C10orf67: variants seen among roughly 807,000 people sequenced by gnomAD.
C10orf67 encodes chromosome 10 open reading frame 67, also known as uncharacterized protein C10orf67, mitochondrial.
In C10orf67, 60 loss-of-function variants were observed where a neutral mutation model predicts 35.6. The ratio of observed to expected loss-of-function variants is 1.68; its 90% CI spans 1.37 to 2.09. The LOEUF is 2.09. Ranked by LOEUF, C10orf67 falls within the 30% of genes most tolerant of loss-of-function variation. The probability of loss-of-function intolerance (pLI) is 0.00; values close to 1 mark genes in which losing one functional copy is unlikely to be tolerated. For synonymous variants in C10orf67, 167 were observed against 115.8 expected (o/e 1.44, Z -2.84); for missense variants, 474 against 330.2 (o/e 1.44, Z -3.38).
rs1375340398 is a variant in C10orf67, at chr10:23,321,228, C to T, written c.472-413G>A. On this transcript the variant is annotated intron_variant, in intron 3 of 15. Coordinates refer to ENST00000636213, the MANE Select transcript of C10orf67 (RefSeq NM_001371909.1). The stretch of plus-strand genomic sequence containing the variant: ...TAGTCTGCAAACTAGAGTTATTTTC[C>T]GATTAATCAAATGATTTGATTAGAT... Among the ~76,000 whole-genome samples the T allele has an allele frequency of 4.6e-5, 7 of 152,058 alleles. No homozygotes were observed. The South Asian group carries it at 6.2e-4, about 14-fold the overall frequency.
chr10:23,217,037 C>G (rs1310721792), intron 15 of C10orf67, among the ~76,000 whole-genome samples: 1 of 152,170 alleles, frequency 6.6e-6, no homozygotes, highest in African/African-American at 2.4e-5. Flanking sequence ...TTAACTATGT[C>G]TATAAATAAA....
In C10orf67 at chr10:23,212,844, G is replaced by A. The variant is rs7082927; in HGVS notation, c.1571-8589C>T. Among the ~76,000 whole-genome samples the A allele has an allele frequency of 4.3e-3, 614 of 143,668 alleles. 1 individual carries two copies. Among genetic ancestry groups the A allele is most frequent in the African/African-American group, 0.015 (576 of 38,942 alleles). 94.3% of individuals were successfully genotyped at this position (143,668 alleles called of 152,430 possible). ...GAGAGACGTAAGCATGCAAACCTAA[G>A]TTCCAAAATAAACAAAGGACAGAAT... is the stretch of plus-strand genomic sequence containing the variant. On this transcript the variant is annotated intron_variant, in intron 15 of 15. Transcript: ENST00000636213.
chr10:23,318,563 C>G (rs779330758), intron 4 of C10orf67: 30 of 254,058 alleles, frequency 1.2e-4, no homozygotes, highest in Non-Finnish European at 2.1e-4. Flanking sequence ...AGCCCTGATT[C>G]AAGGGAGGGG....
At chr10:23,322,322 T>G (rs1301569620) in intron 3 of C10orf67, 72 bp downstream of exon 3, 1 of 1,473,558 alleles carries the variant, frequency 6.8e-7, no homozygotes, top group Non-Finnish European at 9.2e-7. Flanking sequence ...TACTAAATTC[T>G]AAACTGCACT....
chr10:23,217,885 G>C (rs186182208), intron 15 of C10orf67, among the ~76,000 whole-genome samples: 11 of 152,198 alleles, frequency 7.2e-5, no homozygotes, highest in Admixed American at 2.0e-4. Flanking sequence ...TTATGATCTT[G>C]CAAATTCAAA....
intron 13 of C10orf67, among the ~76,000 whole-genome samples, chr10:23,236,044 C>T (rs562237410): frequency 2.0e-5 from 3 of 151,760 alleles, no homozygotes; most frequent in Non-Finnish European, 4.4e-5. Flanking sequence ...GTCAGGAGAT[C>T]GAGACCATCC....
chr10:23,277,863 C>T (rs1010072609), intron 8 of C10orf67, among the ~76,000 whole-genome samples: 2 of 152,190 alleles, frequency 1.3e-5, no homozygotes, highest in Non-Finnish European at 2.9e-5. Flanking sequence ...AATTGGCTCA[C>T]GGTTCTGCAC....
intron 5 of C10orf67, among the ~76,000 whole-genome samples, chr10:23,292,459 A>G (rs1843750711): frequency 6.6e-6 from 1 of 152,148 alleles, no homozygotes; most frequent in Non-Finnish European, 1.5e-5. Flanking sequence ...ATCACAGGTG[A>G]ATTATAACTT....
intron 12 of C10orf67, among the ~76,000 whole-genome samples, chr10:23,249,070 C>T (rs1842382505): frequency 7.8e-6 from 1 of 127,564 alleles, no homozygotes; most frequent in Non-Finnish European, 1.5e-5. Context: ...ATGGAGGTTG[C>T]AGTGAGCCGA....
At chr10:23,340,101 A>G (rs908532614) in intron 1 of C10orf67, among the ~76,000 whole-genome samples, 3 of 152,272 alleles carry the variant, frequency 2.0e-5, no homozygotes, top group South Asian at 2.1e-4. Context: ...TGGGTGGTTT[A>G]TGGAGTGTGA....
chr10:23,215,221 C>T (rs763967612), intron 15 of C10orf67, among the ~76,000 whole-genome samples: 4 of 151,788 alleles, frequency 2.6e-5, no homozygotes, highest in South Asian at 2.1e-4. Context: ...AATTTGTATT[C>T]GAAAATCTCT....
rs1235720637 is a variant in C10orf67, at chr10:23,303,303, C to T, written c.702+1G>A. The T allele has an allele frequency of 5.5e-6, 3 of 542,112 alleles. No homozygotes were observed. Among genetic ancestry groups the T allele is most frequent in the Admixed American group, 3.8e-5 (1 of 26,362 alleles). The allele number at this position is 542,112 out of a possible 1,614,324, so 33.6% of individuals were successfully genotyped here. The stretch of plus-strand genomic sequence containing the variant: ...TAATTATTCCTTGCCTTGAAACTTA[C>T]CATTTTGTGAAATCCAAAATCTTTA... On this transcript the variant is annotated splice_donor_variant, in intron 5 of 15. Coordinates refer to ENST00000636213, the MANE Select transcript of C10orf67 (RefSeq NM_001371909.1). LOFTEE classifies it high-confidence loss of function.
intron 8 of C10orf67, among the ~76,000 whole-genome samples, chr10:23,271,592 C>T (rs1437489978): frequency 6.6e-6 from 1 of 152,156 alleles, no homozygotes; most frequent in Non-Finnish European, 1.5e-5. Context: ...TTTATATGGT[C>T]GACCTTTTAA....
At chr10:23,310,753 C>T (rs914065989) in intron 4 of C10orf67, among the ~76,000 whole-genome samples, 2 of 152,226 alleles carry the variant, frequency 1.3e-5, no homozygotes, top group Admixed American at 1.3e-4. Flanking sequence ...TCTTGCTTGG[C>T]TCAAAGGAGA....
At position 23,265,236 on chromosome 10, in the gene C10orf67, T is replaced by C. The variant is rs4074210; in HGVS notation, c.1200+1026A>G. Among the ~76,000 whole-genome samples, 177 of 152,312 alleles carry C rather than the reference T, an allele frequency of 1.2e-3. 1 individual carries two copies. Among genetic ancestry groups the C allele is most frequent in the African/African-American group, 4.1e-3 (169 of 41,574 alleles). ...GCTCTACTTGCTCCCTCCCGCTCTG[T>C]GGATATGAGGAGTGGTCCATCTCCT... On this transcript the variant is annotated intron_variant, in intron 10 of 15. Transcript: ENST00000636213.
chr10:23,270,992 G>A (rs998901263), intron 8 of C10orf67, among the ~76,000 whole-genome samples: 4 of 152,166 alleles, frequency 2.6e-5, no homozygotes, highest in Non-Finnish European at 4.4e-5. Context: ...TGGATAAAGA[G>A]TCAAGACCCA....
At chr10:23,261,920 A>C (rs1175076944) in intron 10 of C10orf67, among the ~76,000 whole-genome samples, 2 of 152,218 alleles carry the variant, frequency 1.3e-5, no homozygotes, top group African/African-American at 2.4e-5. Context: ...TCCTTCATGA[A>C]AATAAGTTCC....
chr10:23,312,659 T>A (rs752162303), intron 4 of C10orf67, among the ~76,000 whole-genome samples: 3 of 152,196 alleles, frequency 2.0e-5, no homozygotes, highest in Non-Finnish European at 4.4e-5. Context: ...TTCACATACA[T>A]CTATATAGTT....
intron 4 of C10orf67, among the ~76,000 whole-genome samples, chr10:23,304,671 C>A (rs1844207056): frequency 6.6e-6 from 1 of 152,120 alleles, no homozygotes; most frequent in South Asian, 2.1e-4. Flanking sequence ...TAATTCCCTT[C>A]AAGCTCCTGT....
Sources: allele counts gnomAD v4.1 joint callset (sites outside exome capture counted in the v4.1 genomes callset), GRCh38; gene constraint gnomAD v4.1.1; transcripts MANE v1.5; gene names NCBI Gene and HGNC (gene_info 2026-07-23, HGNC 2026-07-21).